Variants in WDR70 observed in about 807,000 individuals in gnomAD.
The protein encoded by WDR70 is WD repeat-containing protein 70.
In WDR70, 53 loss-of-function variants were observed where a neutral mutation model predicts 88.6. The observed-to-expected ratio is 0.60, with a 90% CI of 0.48 to 0.75. WDR70 has a LOEUF of 0.75. Ranked by LOEUF, WDR70 falls within the 30% of genes least tolerant of loss-of-function variation. The probability of loss-of-function intolerance (pLI) is 0.00; values close to 1 mark genes in which losing one functional copy is unlikely to be tolerated. For synonymous variants in WDR70, 280 were observed against 270.0 expected (o/e 1.04, Z -0.36); for missense variants, 610 against 823.2 (o/e 0.74, Z 3.17).
chr5:37,647,651 G>T (rs1016823673), intron 10 of WDR70, among the ~76,000 whole-genome samples: 1 of 152,218 alleles, frequency 6.6e-6, no homozygotes, highest in African/African-American at 2.4e-5. Context: ...CCACCTTGGT[G>T]ATCTTGGATA....
rs754983078 is a variant in WDR70 at position 37,516,593 on chromosome 5, G to A, written c.917+3G>A. The A allele has an allele frequency of 2.5e-6, 4 of 1,588,166 alleles. No individual in the cohort carries two copies. The highest frequency in any genetic ancestry group is 2.6e-6 in the Non-Finnish European group (3 of 1,159,952). ...TTTATGACTTGCTCAAATGATGCGT[G>A]AGTATTGTTGATAATTCATCTAATA... On this transcript the variant is annotated splice_donor_region_variant and intron_variant, in intron 9 of 17. Coordinates refer to ENST00000265107, the MANE Select transcript of WDR70 (RefSeq NM_018034.4).
At chr5:37,518,212 G>C (rs891470579) in intron 9 of WDR70, among the ~76,000 whole-genome samples, 1 of 152,016 alleles carries the variant, frequency 6.6e-6, no homozygotes, top group Admixed American at 6.6e-5. Context: ...ACTGCGCCCA[G>C]CCTCTTTTAG....
chr5:37,602,062 C>A (rs946050254), intron 9 of WDR70, among the ~76,000 whole-genome samples: 4 of 149,906 alleles, frequency 2.7e-5, no homozygotes. Flanking sequence ...CACACTGGGG[C>A]CTGTCGGGGG....
At chr5:37,449,590 C>CAAAAAAAAA (rs376148041) in intron 7 of WDR70, among the ~76,000 whole-genome samples, 6 of 85,728 alleles carry the variant, frequency 7.0e-5, no homozygotes, top group African/African-American at 2.2e-4. Context: ...AATTTTGTCT[C>CAAAAAAAAA]AAAAAAAAAA....
At chr5:37,721,319 AC>A in intron 14 of WDR70, 104 bp downstream of exon 14, 1 of 1,005,826 alleles carries the variant, frequency 9.9e-7, no homozygotes, top group Non-Finnish European at 1.5e-6. Flanking sequence ...ATGGAGATCC[AC>A]CCATTTAGAA....
chr5:37,381,381 AGAG>A (rs1218211218), intron 2 of WDR70, among the ~76,000 whole-genome samples: 1 of 152,280 alleles, frequency 6.6e-6, no homozygotes, highest in East Asian at 1.9e-4. Context: ...GTAGGGATCT[AGAG>A]GAGGATGGGA....
intron 3 of WDR70, 113 bp from the exon 4 acceptor site, chr5:37,391,887 A>G (rs1748830475): frequency 8.2e-7 from 1 of 1,212,826 alleles, no homozygotes; most frequent in African/African-American, 1.6e-5. Flanking sequence ...GTTACTGCTA[A>G]CACTCTAAGT....
intron 9 of WDR70, among the ~76,000 whole-genome samples, chr5:37,546,775 C>T (rs1191381668): frequency 6.6e-6 from 1 of 151,988 alleles, no homozygotes; most frequent in Non-Finnish European, 1.5e-5. Flanking sequence ...AAAAATTAGC[C>T]AGGCGTGGTG....
At chr5:37,557,959 T>TTTGAAAAATCTTCAAA in intron 9 of WDR70, among the ~76,000 whole-genome samples, 1 of 146,506 alleles carries the variant, frequency 6.8e-6, no homozygotes, top group Non-Finnish European at 1.5e-5. Context: ...AAAAGAGTAT[T>TTTGAAAAATCTTCAAA]ATGTATATTT....
At chr5:37,541,918 A>G (rs1055059321) in intron 9 of WDR70, among the ~76,000 whole-genome samples, 1 of 152,224 alleles carries the variant, frequency 6.6e-6, no homozygotes, top group African/African-American at 2.4e-5. Flanking sequence ...AAAAACTTTC[A>G]CTGGCAATGG....
chr5:37,411,008 A>G (rs1477781390), intron 5 of WDR70, among the ~76,000 whole-genome samples: 1 of 152,262 alleles, frequency 6.6e-6, no homozygotes, highest in Non-Finnish European at 1.5e-5. Flanking sequence ...TTATTTTGAT[A>G]GCTTATGAAC....
intron 7 of WDR70, among the ~76,000 whole-genome samples, chr5:37,469,061 A>G (rs1396066118): frequency 6.6e-6 from 1 of 152,332 alleles, no homozygotes; most frequent in South Asian, 2.1e-4. Flanking sequence ...CAAAATATAT[A>G]TAATAGGTGG....
chr5:37,419,033 G>A (rs894814990), intron 5 of WDR70, among the ~76,000 whole-genome samples: 1 of 143,478 alleles, frequency 7.0e-6, no homozygotes, highest in Non-Finnish European at 1.5e-5. Flanking sequence ...CAAAGTGCTG[G>A]GATTACAGGT....
chr5:37,495,915 C>G (rs1368048067), intron 8 of WDR70, among the ~76,000 whole-genome samples: 1 of 152,210 alleles, frequency 6.6e-6, no homozygotes, highest in East Asian at 1.9e-4. Flanking sequence ...TAAGAAACAA[C>G]ATTCACAGTC....
At chr5:37,594,415 T>G (rs1445565473) in intron 9 of WDR70, among the ~76,000 whole-genome samples, 2 of 152,316 alleles carry the variant, frequency 1.3e-5, no homozygotes, top group Non-Finnish European at 2.9e-5. Flanking sequence ...TTTCCCCATT[T>G]CTTGTTTTTG....
chr5:37,584,091 A>T (rs575851300), intron 9 of WDR70, among the ~76,000 whole-genome samples: 266 of 152,320 alleles, frequency 1.7e-3, no homozygotes, highest in Non-Finnish European at 2.7e-3. Context: ...TACGTTAATT[A>T]TTACTTAATC....
chr5:37,658,555 A>T (rs1025899862), intron 10 of WDR70, among the ~76,000 whole-genome samples: 1 of 151,856 alleles, frequency 6.6e-6, no homozygotes, highest in Non-Finnish European at 1.5e-5. Context: ...CTTAAATATC[A>T]TCACCTCTGT....
rs67595755 is a variant in WDR70, at chr5:37,734,722, G to C, written c.1877+7677G>C. 7.1e-3 allele frequency among the ~76,000 whole-genome samples: 1,081 copies of C among 152,130 alleles called. 8 individuals carry two copies. Among genetic ancestry groups the C allele is most frequent in the Non-Finnish European group, 0.011 (780 of 67,968 alleles). ...GTTACCTTTGACCTGAGTGAAATGA[G>C]GGAGTGAGCCATGCAAATACCTAGG... On this transcript the variant is annotated intron_variant, in intron 17 of 17. Transcript: ENST00000265107.
intron 7 of WDR70, among the ~76,000 whole-genome samples, chr5:37,450,754 T>A (rs1175906635): frequency 1.3e-5 from 2 of 152,186 alleles, no homozygotes; most frequent in East Asian, 1.9e-4. Context: ...GTTGGCAAAG[T>A]TTTTTTATAA....
Sources: allele counts gnomAD v4.1 joint callset (sites outside exome capture counted in the v4.1 genomes callset), GRCh38; gene constraint gnomAD v4.1.1; transcripts MANE v1.5; gene names NCBI Gene and HGNC (gene_info 2026-07-23, HGNC 2026-07-21).